Variants in EXOC6B observed in about 807,000 individuals in gnomAD.
The protein encoded by EXOC6B is exocyst complex component 6B, also known as SEC15 homolog B.
Under a neutral mutation model 113.5 loss-of-function variants are expected in EXOC6B, and 54 were observed. That is an observed-to-expected ratio of 0.48 (90% CI 0.38 to 0.60). EXOC6B has a LOEUF of 0.60. Ranked by LOEUF, EXOC6B falls within the 20% of genes least tolerant of loss-of-function variation. The pLI is 0.00. For synonymous variants in EXOC6B, 357 were observed against 339.0 expected, an observed-to-expected ratio of 1.05 and a Z score of -0.58; for missense variants, 797 against 977.5, an observed-to-expected ratio of 0.82 and a Z score of 2.46.
chr2:72,680,836 C>T (rs187250208), intron 6 of EXOC6B, among the ~76,000 whole-genome samples: 1 of 152,212 alleles, frequency 6.6e-6, no homozygotes, highest in African/African-American at 2.4e-5. Context: ...TTTCACCACA[C>T]CATTCTCTGT....
intron 15 of EXOC6B, among the ~76,000 whole-genome samples, chr2:72,492,844 T>C (rs1400214317): frequency 6.6e-6 from 1 of 152,138 alleles, no homozygotes; most frequent in Non-Finnish European, 1.5e-5. Context: ...TTGAATATGA[T>C]GTCTTTAAAT....
intron 6 of EXOC6B, among the ~76,000 whole-genome samples, chr2:72,640,282 T>A (rs377436846): frequency 2.0e-5 from 3 of 152,068 alleles, no homozygotes; most frequent in Non-Finnish European, 4.4e-5. Context: ...AGCTTGAAGA[T>A]TGGCTTTCTG....
At chr2:72,384,158 AAAAC>A (rs1372682270) in intron 18 of EXOC6B, among the ~76,000 whole-genome samples, 3 of 152,144 alleles carry the variant, frequency 2.0e-5, no homozygotes, top group Non-Finnish European at 2.9e-5. Flanking sequence ...AAGTTAAAAG[AAAAC>A]AAACAAACAA....
chr2:72,290,182 A>G (rs868643913), intron 20 of EXOC6B, among the ~76,000 whole-genome samples: 9 of 152,222 alleles, frequency 5.9e-5, no homozygotes, highest in South Asian at 2.1e-4. Flanking sequence ...CAGCCTGCCA[A>G]CTGCATATTT....
At chr2:72,691,319 C>T (rs995540263) in intron 6 of EXOC6B, among the ~76,000 whole-genome samples, 1 of 152,056 alleles carries the variant, frequency 6.6e-6, no homozygotes, top group Admixed American at 6.6e-5. Flanking sequence ...GATTTCTAGA[C>T]TCCAGACCTG....
chr2:72,731,680 T>G lies in EXOC6B; in HGVS notation c.328-435A>C, dbSNP rs529186103. 1.5e-3 allele frequency among the ~76,000 whole-genome samples: 230 copies of G among 152,254 alleles called. 5 individuals are homozygous for G. The highest frequency in any genetic ancestry group is 3.8e-4 in the Non-Finnish European group (26 of 68,016). On this transcript the variant is annotated intron_variant, in intron 3 of 21. Transcript: ENST00000272427. Reference sequence around the variant, plus strand: ...ATAATATAACTAGAAGAAATTGTACTCCACAGAATTTAGAATGTGAGACAA... The same window carrying G: ...ATAATATAACTAGAAGAAATTGTACGCCACAGAATTTAGAATGTGAGACAA...
chr2:72,282,569 A>G (rs1038393493), intron 20 of EXOC6B, among the ~76,000 whole-genome samples: 2 of 151,904 alleles, frequency 1.3e-5, no homozygotes, highest in Non-Finnish European at 2.9e-5. Flanking sequence ...TTAAATCCCA[A>G]TGTATCACTA....
intron 8 of EXOC6B, among the ~76,000 whole-genome samples, chr2:72,558,584 A>T (rs1703706635): frequency 6.6e-6 from 1 of 152,148 alleles, no homozygotes; most frequent in Non-Finnish European, 1.5e-5. Flanking sequence ...AGCCTGACCA[A>T]CATAGAAAAA....
intron 1 of EXOC6B, among the ~76,000 whole-genome samples, chr2:72,821,669 T>C (rs994828205): frequency 6.6e-6 from 1 of 152,108 alleles, no homozygotes; most frequent in African/African-American, 2.4e-5. Context: ...TGCTACCACA[T>C]AGATGAACCT....
intron 20 of EXOC6B, among the ~76,000 whole-genome samples, chr2:72,248,187 T>C (rs1231818567): frequency 6.6e-6 from 1 of 152,198 alleles, no homozygotes; most frequent in Non-Finnish European, 1.5e-5. Context: ...AGTGTTATCA[T>C]TTTTTCATTA....
At chr2:72,556,407 A>G (rs1440756727) in intron 8 of EXOC6B, among the ~76,000 whole-genome samples, 1 of 152,084 alleles carries the variant, frequency 6.6e-6, no homozygotes, top group East Asian at 1.9e-4. Flanking sequence ...TTTGTTTCCT[A>G]TTTTTAAAAA....
At chr2:72,517,673 A>G (rs1701285162) in intron 8 of EXOC6B, among the ~76,000 whole-genome samples, 1 of 152,206 alleles carries the variant, frequency 6.6e-6, no homozygotes, top group Admixed American at 6.5e-5. Context: ...TAAGGTTAAC[A>G]GCCCTAAAGG....
intron 17 of EXOC6B, among the ~76,000 whole-genome samples, chr2:72,476,997 G>A (rs575115649): frequency 6.6e-6 from 1 of 152,248 alleles, no homozygotes; most frequent in Non-Finnish European, 1.5e-5. Flanking sequence ...CGGTCCTAAA[G>A]GTGGAACCTC....
intron 16 of EXOC6B, among the ~76,000 whole-genome samples, chr2:72,485,397 CTCT>C (rs1440927568): frequency 6.6e-6 from 1 of 152,210 alleles, no homozygotes; most frequent in African/African-American, 2.4e-5. Flanking sequence ...AGAAGTCACA[CTCT>C]TCTTCATGCC....
chr2:72,592,051 C>T (rs764392778), intron 6 of EXOC6B, among the ~76,000 whole-genome samples: 2 of 151,664 alleles, frequency 1.3e-5, no homozygotes, highest in African/African-American at 2.4e-5. Flanking sequence ...TTTTATAATA[C>T]AAATGTGAAT....
intron 5 of EXOC6B, among the ~76,000 whole-genome samples, chr2:72,726,245 C>T (rs780172922): frequency 6.6e-6 from 1 of 152,008 alleles, no homozygotes; most frequent in Non-Finnish European, 1.5e-5. Flanking sequence ...GAATGGGTAC[C>T]CTTTTTGGGG....
At chr2:72,595,276 G>T (rs1321068611) in intron 6 of EXOC6B, among the ~76,000 whole-genome samples, 2 of 145,170 alleles carry the variant, frequency 1.4e-5, no homozygotes, top group African/African-American at 2.5e-5. Flanking sequence ...TATATATATA[G>T]ATATATAGAT....
At position 72,218,662 on chromosome 2, in the gene EXOC6B, T is replaced by C. The variant is rs184763800; in HGVS notation, c.2197-34475A>G. ...CGTCAGCTCTACTCTTAATATGCCA[T>C]TTCTTTTTTTGTTTGTTTTTTGAGA... On this transcript the variant is annotated intron_variant, in intron 20 of 21. Transcript: ENST00000272427. 4.9e-3 allele frequency among the ~76,000 whole-genome samples: 747 copies of C among 152,192 alleles called. 4 individuals carry two copies. The highest frequency in any genetic ancestry group is 8.4e-3 in the Non-Finnish European group (573 of 68,000).
At chr2:72,548,478 C>G (rs1338627389) in intron 8 of EXOC6B, among the ~76,000 whole-genome samples, 1 of 152,112 alleles carries the variant, frequency 6.6e-6, no homozygotes, top group Non-Finnish European at 1.5e-5. Context: ...CAGATAAACA[C>G]TATTGTAAAT....
Sources: allele counts gnomAD v4.1 joint callset (sites outside exome capture counted in the v4.1 genomes callset), GRCh38; gene constraint gnomAD v4.1.1; transcripts MANE v1.5; gene names NCBI Gene and HGNC (gene_info 2026-07-23, HGNC 2026-07-21).